Variants in MSRA observed in about 807,000 individuals in gnomAD.
The protein encoded by MSRA is methionine sulfoxide reductase A, also known as mitochondrial peptide methionine sulfoxide reductase.
Under a neutral mutation model 31.3 loss-of-function variants are expected in MSRA, and 54 were observed. The ratio of observed to expected loss-of-function variants is 1.73; its 90% CI spans 1.39 to 2.17. The LOEUF (loss-of-function observed/expected upper bound fraction) is 2.17, where lower values mean the gene tolerates loss of function less well. Ranked by LOEUF, MSRA falls within the 30% of genes most tolerant of loss-of-function variation. MSRA has a pLI of 0.00. For synonymous variants in MSRA, 169 were observed against 116.5 expected, an observed-to-expected ratio of 1.45 and a Z score of -2.90; for missense variants, 507 against 300.9, an observed-to-expected ratio of 1.69 and a Z score of -5.07.
chr8:10,364,015 TC>T (rs1805015675), intron 5 of MSRA, among the ~76,000 whole-genome samples: 6 of 152,138 alleles, frequency 3.9e-5, no homozygotes, highest in Admixed American at 3.9e-4. Flanking sequence ...GAGAACTGTT[TC>T]CTTTCTCTAG....
At chr8:10,179,103 T>C (rs562654405) in intron 1 of MSRA, among the ~76,000 whole-genome samples, 8 of 152,340 alleles carry the variant, frequency 5.3e-5, no homozygotes, top group African/African-American at 1.9e-4. Flanking sequence ...ATGACTATGG[T>C]GAGTCAGTCA....
Position 10,245,364 on chromosome 8 carries a change from TG to T in MSRA, c.331+142del, listed in dbSNP as rs149541602. ...TCTTTATTATTTGTATATATATACTTGTGAGCTTCTCACTTTATATGTTTAG... is the reference window on the plus strand; with the variant it reads ...TCTTTATTATTTGTATATATATACTTTGAGCTTCTCACTTTATATGTTTAG... On this transcript the variant is annotated intron_variant, in intron 3 of 5. Transcript: ENST00000317173. The T allele has an allele frequency of 1.4e-3, 1,093 of 757,450 alleles. 9 individuals carry two copies. The African/African-American group carries it at 0.017, about 12-fold the overall frequency. The allele number at this position is 757,450 out of a possible 1,614,324, so 46.9% of individuals were successfully genotyped here.
chr8:10,246,451 A>G (rs995122078), intron 3 of MSRA, among the ~76,000 whole-genome samples: 2 of 152,236 alleles, frequency 1.3e-5, no homozygotes, highest in Non-Finnish European at 2.9e-5. Context: ...AGAGGTCTTA[A>G]TAGGGAGGGA....
At chr8:10,204,215 A>C (rs1439343930) in intron 1 of MSRA, among the ~76,000 whole-genome samples, 1 of 152,224 alleles carries the variant, frequency 6.6e-6, no homozygotes, top group African/African-American at 2.4e-5. Flanking sequence ...GTAAAAAATT[A>C]CAGTAGCTGA....
intron 2 of MSRA, among the ~76,000 whole-genome samples, chr8:10,210,796 C>T (rs144435243): frequency 3.6e-4 from 54 of 151,520 alleles, no homozygotes; most frequent in East Asian, 9.7e-4. Flanking sequence ...TGCACTGGCA[C>T]GATCTGAGCT....
chr8:10,384,983 C>T (rs147457781), intron 5 of MSRA, among the ~76,000 whole-genome samples: 11 of 151,888 alleles, frequency 7.2e-5, no homozygotes, highest in African/African-American at 2.4e-4. Context: ...GCCTGGGTGA[C>T]AGAGCAAAAC....
chr8:10,108,499 T>G (rs1800047286), intron 1 of MSRA, among the ~76,000 whole-genome samples: 1 of 152,108 alleles, frequency 6.6e-6, no homozygotes, highest in Non-Finnish European at 1.5e-5. Flanking sequence ...CCACAAAGAC[T>G]TTTTTTTCCT....
chr8:10,263,408 GA>G (rs1000994363), intron 3 of MSRA, among the ~76,000 whole-genome samples: 2 of 152,004 alleles, frequency 1.3e-5, no homozygotes, highest in African/African-American at 4.8e-5. Context: ...ACCATGATAG[GA>G]AAAAAGACTA....
chr8:10,093,907 C>T (rs567349871), intron 1 of MSRA, among the ~76,000 whole-genome samples: 49 of 152,268 alleles, frequency 3.2e-4, no homozygotes, highest in African/African-American at 1.2e-3. Flanking sequence ...AGTTATTTTC[C>T]TTTCAGCTCT....
chr8:10,286,467 C>T (rs1454729157), intron 3 of MSRA, among the ~76,000 whole-genome samples: 1 of 152,210 alleles, frequency 6.6e-6, no homozygotes, highest in Non-Finnish European at 1.5e-5. Context: ...CTCCTCCTTG[C>T]CTCCCACTGT....
In MSRA at chr8:10,233,136, G is replaced by C. The variant is rs779578692; in HGVS notation, c.212-11968G>C. ...AACAATTCAGATATATCCCGGAAGAGGTACCTTTTATGCTTTAGTCCAGGC... is the reference window on the plus strand; with the variant it reads ...AACAATTCAGATATATCCCGGAAGACGTACCTTTTATGCTTTAGTCCAGGC... On this transcript the variant is annotated intron_variant, in intron 2 of 5. Transcript: ENST00000317173. Among the ~76,000 whole-genome samples the C allele has an allele frequency of 6.6e-5, 10 of 152,280 alleles. No homozygotes were observed. The South Asian group carries it at 1.0e-3, about 16-fold the overall frequency.
intron 3 of MSRA, among the ~76,000 whole-genome samples, chr8:10,259,382 A>C (rs1008386699): frequency 2.6e-5 from 4 of 152,198 alleles, no homozygotes; most frequent in Non-Finnish European, 5.9e-5. Flanking sequence ...AGTTACAAGA[A>C]GAGTTAATTC....
rs188983285 is a variant in MSRA, at chr8:10,299,273, A to G, written c.332-2261A>G. The stretch of plus-strand genomic sequence containing the variant: ...TTTTAGTGTGGTTTCAATGTTTTTC[A>G]TGCCAAATATGTCTGTCATGTTGAT... On this transcript the variant is annotated intron_variant, in intron 3 of 5. Coordinates refer to ENST00000317173, the MANE Select transcript of MSRA (RefSeq NM_012331.5). Among the ~76,000 whole-genome samples, 5 of 152,236 alleles carry G rather than the reference A, an allele frequency of 3.3e-5. No individual in the cohort carries two copies. In the East Asian group the frequency reaches 9.7e-4, roughly 29 times the overall value.
At chr8:10,211,029 C>A (rs924243588) in intron 2 of MSRA, among the ~76,000 whole-genome samples, 1 of 152,114 alleles carries the variant, frequency 6.6e-6, no homozygotes, top group Admixed American at 6.6e-5. Context: ...AGTCATCGCA[C>A]CCGGCCACAA....
chr8:10,399,475 G>A (rs979646372), intron 5 of MSRA, among the ~76,000 whole-genome samples: 24 of 152,134 alleles, frequency 1.6e-4, no homozygotes, highest in African/African-American at 5.6e-4. Context: ...AGGGTGTGGT[G>A]CCTCTCCGGT....
At chr8:10,329,480 C>T (rs1802567595) in intron 5 of MSRA, among the ~76,000 whole-genome samples, 1 of 152,234 alleles carries the variant, frequency 6.6e-6, no homozygotes, top group Non-Finnish European at 1.5e-5. Flanking sequence ...ATTTAGGGCC[C>T]ACCCAAACAA....
At chr8:10,194,931 C>T (rs1057231447) in intron 1 of MSRA, among the ~76,000 whole-genome samples, 9 of 152,220 alleles carry the variant, frequency 5.9e-5, no homozygotes, top group African/African-American at 2.2e-4. Flanking sequence ...AAAAGTAATA[C>T]ATCACACAGA....
intron 3 of MSRA, among the ~76,000 whole-genome samples, chr8:10,289,797 C>G (rs1480022694): frequency 6.6e-6 from 1 of 152,176 alleles, no homozygotes; most frequent in Non-Finnish European, 1.5e-5. Context: ...AGAAACCTGT[C>G]TTTGCTTGGA....
chr8:10,071,235 T>G (rs1026861457), intron 1 of MSRA, among the ~76,000 whole-genome samples: 2 of 152,240 alleles, frequency 1.3e-5, no homozygotes, highest in African/African-American at 4.8e-5. Context: ...GGTTTTACTT[T>G]TTATTTCGTT....
Sources: gnomAD v4.1 joint callset for allele counts (sites outside exome capture counted in the v4.1 genomes callset) on GRCh38, gnomAD v4.1.1 for gene constraint, MANE v1.5 for transcripts, NCBI Gene and HGNC (gene_info 2026-07-23, HGNC 2026-07-21) for gene names.